IL6R: variants seen among roughly 807,000 people sequenced by gnomAD.
IL6R encodes the protein interleukin 6 receptor.
Under a neutral mutation model 48.3 loss-of-function variants are expected in IL6R, and 38 were observed. That is an observed-to-expected ratio of 0.79 (90% confidence interval 0.61 to 1.03). The LOEUF (loss-of-function observed/expected upper bound fraction) is 1.03, where lower values mean the gene tolerates loss of function less well. IL6R is among the 50% of genes least tolerant of loss of function. IL6R has a pLI of 0.00. For synonymous variants in IL6R, 264 were observed against 256.2 expected (o/e 1.03, Z -0.29); for missense variants, 534 against 618.3 (o/e 0.86, Z 1.45).
At chr1:154,414,202 A>T (rs1490926147) in intron 1 of IL6R, among the ~76,000 whole-genome samples, 1 of 151,978 alleles carries the variant, frequency 6.6e-6, no homozygotes, top group Non-Finnish European at 1.5e-5. Context: ...TCTCTTTTAT[A>T]GCTTCTAGGT....
chr1:154,414,931 G>A (rs1455697889), intron 1 of IL6R: 1 of 1,090,638 alleles, frequency 9.2e-7, no homozygotes, highest in Non-Finnish European at 1.4e-6. Flanking sequence ...CTGGAAGGAG[G>A]GGATGTCCTC....
At chr1:154,452,964 G>C (rs1288004706) in intron 8 of IL6R, among the ~76,000 whole-genome samples, 2 of 152,146 alleles carry the variant, frequency 1.3e-5, no homozygotes, top group African/African-American at 4.8e-5. Context: ...CAGCACTTTG[G>C]GAGGCCGAGG....
chr1:154,430,462 C>A (rs2149237393), intron 2 of IL6R, 21 bp from the exon 3 acceptor site: 2 of 1,611,520 alleles, frequency 1.2e-6, no homozygotes, highest in South Asian at 1.1e-5. Flanking sequence ...CCTGCTGACA[C>A]CTGCAATGCT....
intron 9 of IL6R, among the ~76,000 whole-genome samples, chr1:154,463,072 G>A (rs1691359589): frequency 6.6e-6 from 1 of 152,090 alleles, no homozygotes; most frequent in Admixed American, 6.5e-5. Flanking sequence ...CCAAAGTGCT[G>A]GGATTACAGG....
chr1:154,457,588 T>G (rs1288933973), intron 9 of IL6R, among the ~76,000 whole-genome samples: 1 of 152,152 alleles, frequency 6.6e-6, no homozygotes. Context: ...CTCCATTTGG[T>G]CATTGGTTTT....
In IL6R at chr1:154,464,916, C is replaced by T. The variant is rs184267367; in HGVS notation, c.1161-218C>T. On this transcript the variant is annotated intron_variant, in intron 9 of 9. Transcript: ENST00000368485. ...TTGAGGCTGCTGTGAGCTGAGATCACGCCATAGCACTCCAGCCTGGGTAAC... is the reference window on the plus strand; with the variant it reads ...TTGAGGCTGCTGTGAGCTGAGATCATGCCATAGCACTCCAGCCTGGGTAAC... Among the ~76,000 whole-genome samples the T allele has an allele frequency of 1.5e-3, 234 of 152,222 alleles. 2 individuals carry two copies. The highest frequency in any genetic ancestry group is 9.5e-3 in the Admixed American group (146 of 15,292).
At position 154,450,181 on chromosome 1, in the gene IL6R, C is replaced by G. The variant is rs553551659; in HGVS notation, c.1066+201C>G. Among the ~76,000 whole-genome samples, 210 of 149,214 alleles carry G rather than the reference C, an allele frequency of 1.4e-3. 1 individual carries two copies. The highest frequency in any genetic ancestry group is 2.6e-3 in the Non-Finnish European group (178 of 67,482). On this transcript the variant is annotated intron_variant, in intron 8 of 9. Coordinates refer to ENST00000368485, the MANE Select transcript of IL6R (RefSeq NM_000565.4). ...TGCTCGGTTGCCCAGGCTGGAGTGC[C>G]GTGGCATGATCTCGGCTCACCACAA...
intron 7 of IL6R, 79 bp from the exon 8 acceptor site, chr1:154,449,832 A>G: frequency 1.2e-6 from 1 of 861,690 alleles, no homozygotes; most frequent in South Asian, 1.3e-5. Flanking sequence ...GGCTCTGAGG[A>G]GGAGGTAACT....
chr1:154,447,134 G>A (rs1177108875), intron 6 of IL6R, among the ~76,000 whole-genome samples: 1 of 151,138 alleles, frequency 6.6e-6, no homozygotes, highest in Non-Finnish European at 1.5e-5. Context: ...GCGAGACCCT[G>A]TCTCAAAAAA....
intron 3 of IL6R, among the ~76,000 whole-genome samples, chr1:154,433,331 C>T (rs1271867031): frequency 6.6e-6 from 1 of 152,190 alleles, no homozygotes; most frequent in Non-Finnish European, 1.5e-5. Flanking sequence ...AGGGTGAAGC[C>T]TCAGGTTTCC....
At chr1:154,408,083 G>A (rs998276821) in intron 1 of IL6R, among the ~76,000 whole-genome samples, 3 of 152,158 alleles carry the variant, frequency 2.0e-5, no homozygotes, top group African/African-American at 7.2e-5. Context: ...TGGTGTGTGT[G>A]CTGGGTGGGA....
At chr1:154,432,601 G>T (rs931550851) in intron 3 of IL6R, among the ~76,000 whole-genome samples, 1 of 152,106 alleles carries the variant, frequency 6.6e-6, no homozygotes, top group Non-Finnish European at 1.5e-5. Flanking sequence ...AGGGTGATCC[G>T]CCTGTCTCGG....
At chr1:154,435,717 G>A (rs1248912069) in intron 5 of IL6R, among the ~76,000 whole-genome samples, 1 of 152,178 alleles carries the variant, frequency 6.6e-6, no homozygotes, top group Admixed American at 6.5e-5. Flanking sequence ...GAAGAGATTT[G>A]GGCTGTAGAC....
intron 1 of IL6R, among the ~76,000 whole-genome samples, chr1:154,424,013 A>G (rs1162231887): frequency 3.9e-5 from 6 of 152,190 alleles, no homozygotes; most frequent in Admixed American, 1.3e-4. Flanking sequence ...CCAGAAAGAC[A>G]TTTACTGGAT....
At chr1:154,412,138 G>A (rs879594985) in intron 1 of IL6R, among the ~76,000 whole-genome samples, 16 of 151,802 alleles carry the variant, frequency 1.1e-4, no homozygotes, top group Non-Finnish European at 1.8e-4. Flanking sequence ...TAGTAGAGAC[G>A]GGGTTTCACT....
chr1:154,452,307 G>T (rs1690626759), intron 8 of IL6R, among the ~76,000 whole-genome samples: 1 of 152,138 alleles, frequency 6.6e-6, no homozygotes. Flanking sequence ...AAAGCCATGT[G>T]GTCCCCTATC....
In IL6R at chr1:154,436,002, G is replaced by A; in HGVS notation, c.841G>A (p.Asp281Asn). The A allele has an allele frequency of 2.5e-6, 4 of 1,611,206 alleles. No individual in the cohort carries two copies. Among genetic ancestry groups the A allele is most frequent in the Non-Finnish European group, 3.4e-6 (4 of 1,178,036 alleles). The change falls in exon 6 of 10, where the codon GAC becomes AAC. Residue 281 changes from aspartate to asparagine, a missense_variant. By Grantham distance (23) the Asp-to-Asn change is conservative (BLOSUM62 1). Transcript: ENST00000368485. ...CCTCCAGCATCACTGTGTCATCCAC[G>A]ACGCCTGGAGCGGCCTGAGGCACGT... ...KDLQHHCVIH[D>N]AWSGLRHVVQ... is the part of the protein sequence containing the mutation.
Position 154,434,999 on chromosome 1 carries a change from A to G in IL6R, c.650A>G (p.Asp217Gly). ...TFQGCGILQP[D>G]PPANITVTAV... is the part of the protein sequence containing the mutation. ...CTCACTTTTCCCACAGTGCAGCCTGATCCGCCTGCCAACATCACAGTCACT... is the reference window on the plus strand; with the variant it reads ...CTCACTTTTCCCACAGTGCAGCCTGGTCCGCCTGCCAACATCACAGTCACT... Residue 217 changes from aspartate (D) to glycine (G), a missense_variant, in exon 5 of 10, where the codon GAT becomes GGT. By Grantham distance (94) the Asp-to-Gly change is moderately conservative. Coordinates refer to ENST00000368485, the MANE Select transcript of IL6R (RefSeq NM_000565.4). 6.2e-7 allele frequency: 1 copy of G among 1,613,952 alleles called. No individual in the cohort carries two copies. Among genetic ancestry groups the G allele is most frequent in the Non-Finnish European group, 8.5e-7 (1 of 1,180,018 alleles).
rs1688786224 is a variant in IL6R, at chr1:154,423,269, ATATATATATATATATG to A, written c.86-5923_86-5908del. Among the ~76,000 whole-genome samples, 6 of 136,770 alleles carry A rather than the reference ATATATATATATATATG, an allele frequency of 4.4e-5. No homozygotes were observed. The South Asian group carries it at 1.3e-3, about 31-fold the overall frequency. The allele number at this position is 136,770 out of a possible 152,430, so 89.7% of individuals were successfully genotyped here. A position where few individuals can be genotyped will look rare whatever the true frequency, so the allele number is the denominator to read the frequency against. Reference sequence around the variant, plus strand: ...GTAGCTTGTTTAATTAAATATATATATATATATATATATATGTATTCATTATAAGAGCAATATAGGC... The same window carrying A: ...GTAGCTTGTTTAATTAAATATATATATATTCATTATAAGAGCAATATAGGC... On this transcript the variant is annotated intron_variant, in intron 1 of 9. Transcript: ENST00000368485.
Sources: gnomAD v4.1 joint callset for allele counts (sites outside exome capture counted in the v4.1 genomes callset) on GRCh38, gnomAD v4.1.1 for gene constraint, MANE v1.5 for transcripts, NCBI Gene and HGNC (gene_info 2026-07-23, HGNC 2026-07-21) for gene names.